SLAIN2: variants seen among roughly 807,000 people sequenced by gnomAD.
SLAIN2 encodes SLAIN motif-containing protein 2.
In SLAIN2, 31 loss-of-function variants were observed where a neutral mutation model predicts 56.6. The ratio of observed to expected loss-of-function variants is 0.55; its 90% confidence interval spans 0.41 to 0.74. The LOEUF is 0.74. Among genes scored for constraint, SLAIN2 ranks in the 30% least tolerant of loss-of-function variants. The pLI, the probability that SLAIN2 is intolerant of heterozygous loss-of-function variation, is 0.00. For missense variants in SLAIN2, 777 were observed against 754.2 expected (o/e 1.03, Z -0.35); for synonymous variants, 317 against 284.9 (o/e 1.11, Z -1.13).
chr4:48,363,550 G>A (rs1429055662), intron 1 of SLAIN2, among the ~76,000 whole-genome samples: 2 of 87,276 alleles, frequency 2.3e-5, no homozygotes, highest in South Asian at 5.4e-4. Context: ...CCCAGACGGG[G>A]CGGCTGGCCG....
At chr4:48,366,599 G>T (rs1380918351) in intron 1 of SLAIN2, among the ~76,000 whole-genome samples, 1 of 151,842 alleles carries the variant, frequency 6.6e-6, no homozygotes, top group East Asian at 1.9e-4. Context: ...ACTTTTTCAT[G>T]GTCTTATTTT....
rs1275749786 is a variant in SLAIN2, at chr4:48,341,807, A to C, written c.68A>C (p.Lys23Thr). ...CGGAAGCTGCAGGAGCTGGTGAAGA[A>C]GCTGGAGAAGCAGAACGAACAGCTG... ...EVRKLQELVK[K>T]LEKQNEQLRS... Residue 23 changes from lysine to threonine, a missense_variant, in exon 1 of 8, where the codon AAG becomes ACG. By Grantham distance (78) the Lys-to-Thr change is moderately conservative (BLOSUM62 -1). Coordinates refer to ENST00000264313, the MANE Select transcript of SLAIN2 (RefSeq NM_020846.2). 4 of 1,533,804 alleles carry C rather than the reference A, an allele frequency of 2.6e-6. No homozygotes were observed. The South Asian group carries it at 4.9e-5, about 19-fold the overall frequency.
At chr4:48,402,543 C>T (rs1037816684) in intron 6 of SLAIN2, among the ~76,000 whole-genome samples, 2 of 152,164 alleles carry the variant, frequency 1.3e-5, no homozygotes, top group Non-Finnish European at 2.9e-5. Context: ...CACTTGGTCT[C>T]TTCTGCTGTT....
rs752247549 is a variant in SLAIN2 at position 48,342,024 on chromosome 4, C to T, written c.285C>T (p.Thr95=). 1.7e-5 allele frequency: 24 copies of T among 1,411,668 alleles called. No individual in the cohort carries two copies. The East Asian group carries it at 5.5e-4, about 32-fold the overall frequency. 87.4% of individuals were successfully genotyped at this position (1,411,668 alleles called of 1,614,324 possible). ...GTAGCGAAGAGCTGCGGGACGCCAC[C>T]TCCTTGCTAGCGGCGGGCGAGGGCG... ...RTSSEELRDA[T]SLLAAGEGGL... Residue 95 remains threonine (T), a synonymous_variant, in exon 1 of 8, where the codon ACC becomes ACT. Coordinates refer to ENST00000264313, the MANE Select transcript of SLAIN2 (RefSeq NM_020846.2).
chr4:48,369,492 T>A (rs2109752443), intron 1 of SLAIN2, among the ~76,000 whole-genome samples: 1 of 152,290 alleles, frequency 6.6e-6, no homozygotes, highest in African/African-American at 2.4e-5. Context: ...AGCAAAGAAT[T>A]TAGCTCCTTC....
At position 48,420,238 on chromosome 4, in the gene SLAIN2, A is replaced by C; in HGVS notation, c.1474A>C (p.Thr492Pro). Residue 492 changes from threonine to proline, a missense_variant, in exon 7 of 8, where the codon ACA becomes CCA. Coordinates refer to ENST00000264313, the MANE Select transcript of SLAIN2 (RefSeq NM_020846.2). ...GSGSPGSQEI[T>P]QLTQTTSSPG... ...TGGTTCTCCTGGTAGCCAAGAAATA[A>C]CACAGCTCACACAAACCACCTCCTC... 4 of 1,613,930 alleles carry C rather than the reference A, an allele frequency of 2.5e-6. No individual in the cohort carries two copies. Among genetic ancestry groups the C allele is most frequent in the Non-Finnish European group, 3.4e-6 (4 of 1,179,880 alleles).
intron 6 of SLAIN2, among the ~76,000 whole-genome samples, chr4:48,403,013 C>T (rs1447213947): frequency 6.6e-6 from 1 of 152,174 alleles, no homozygotes; most frequent in Non-Finnish European, 1.5e-5. Flanking sequence ...CCCTAGTCAC[C>T]TCAGTCCCTC....
At chr4:48,403,609 G>T (rs975476162) in intron 6 of SLAIN2, among the ~76,000 whole-genome samples, 1 of 152,172 alleles carries the variant, frequency 6.6e-6, no homozygotes, top group Admixed American at 6.5e-5. Flanking sequence ...CCTCCCAGGA[G>T]TTCGGTCTGT....
chr4:48,413,438 T>G (rs1716917567), intron 6 of SLAIN2, among the ~76,000 whole-genome samples: 1 of 151,922 alleles, frequency 6.6e-6, no homozygotes, highest in African/African-American at 2.4e-5. Context: ...CAGTAATAAC[T>G]TTTTTTACAA....
At chr4:48,387,902 T>C (rs1454582747) in intron 6 of SLAIN2, among the ~76,000 whole-genome samples, 1 of 152,162 alleles carries the variant, frequency 6.6e-6, no homozygotes, top group East Asian at 1.9e-4. Context: ...ACTTTATACA[T>C]GAATTGGTAT....
chr4:48,361,839 C>G (rs1251645829), intron 1 of SLAIN2, among the ~76,000 whole-genome samples: 2 of 152,066 alleles, frequency 1.3e-5, no homozygotes, highest in Non-Finnish European at 2.9e-5. Context: ...CTTTTAATTT[C>G]TCTCAGCAGT....
chr4:48,412,395 CACACACACACACACACACACAT>C lies in SLAIN2; in HGVS notation c.1361-7729_1361-7708del, dbSNP rs1354604654. 1.8e-3 allele frequency among the ~76,000 whole-genome samples: 101 copies of C among 57,582 alleles called. 2 individuals are homozygous for C. Among genetic ancestry groups the C allele is most frequent in the South Asian group, 5.4e-3 (5 of 928 alleles). The allele number at this position is 57,582 out of a possible 152,430, so 37.8% of individuals were successfully genotyped here. On this transcript the variant is annotated intron_variant, in intron 6 of 7. Coordinates refer to ENST00000264313, the MANE Select transcript of SLAIN2 (RefSeq NM_020846.2). Reference sequence around the variant, plus strand: ...ACACACACACACACACACACACACACACACACACACACACACACACATTCCCTCTCTCTCTCTCTCTCTGTGT... The same window carrying C: ...ACACACACACACACACACACACACACTCCCTCTCTCTCTCTCTCTCTGTGT...
intron 6 of SLAIN2, among the ~76,000 whole-genome samples, chr4:48,391,932 A>C (rs903351223): frequency 6.6e-6 from 1 of 152,234 alleles, no homozygotes; most frequent in Non-Finnish European, 1.5e-5. Context: ...GTTTTGCACT[A>C]GCATCTTTGC....
Position 48,389,392 on chromosome 4 carries a change from A to G in SLAIN2, c.1360+5608A>G, listed in dbSNP as rs193257035. 1.6e-4 allele frequency among the ~76,000 whole-genome samples: 25 copies of G among 152,344 alleles called. No homozygotes were observed. In the East Asian group the frequency reaches 4.8e-3, roughly 29 times the overall value. Reference sequence around the variant, plus strand: ...CTTTGGTGGACCTTGAATGCTTAGTATAGAGTTCTGGATTTTATCCAGTGG... The same window carrying G: ...CTTTGGTGGACCTTGAATGCTTAGTGTAGAGTTCTGGATTTTATCCAGTGG... On this transcript the variant is annotated intron_variant, in intron 6 of 7. Transcript: ENST00000264313.
chr4:48,370,120 T>A, intron 2 of SLAIN2, 123 bp downstream of exon 2: 1 of 940,178 alleles, frequency 1.1e-6, no homozygotes, highest in Non-Finnish European at 1.6e-6. Flanking sequence ...TCATTGTTCA[T>A]ATCATCATGA....
At chr4:48,345,887 C>T (rs1464412857) in intron 1 of SLAIN2, among the ~76,000 whole-genome samples, 2 of 152,156 alleles carry the variant, frequency 1.3e-5, no homozygotes, top group Non-Finnish European at 2.9e-5. Context: ...GCTAGACTCA[C>T]TCTGGATTAA....
intron 6 of SLAIN2, among the ~76,000 whole-genome samples, chr4:48,385,944 T>G (rs1042522689): frequency 4.0e-5 from 6 of 148,948 alleles, no homozygotes; most frequent in Non-Finnish European, 7.5e-5. Context: ...AAAAAAATGT[T>G]TTTTTTTTTT....
At chr4:48,385,834 T>C (rs11725992) in intron 6 of SLAIN2, among the ~76,000 whole-genome samples, 8,657 of 152,044 alleles carry the variant, frequency 0.057, 389 homozygotes, top group East Asian at 0.22. Context: ...TTTAGCTGAC[T>C]TCATATACTT....
chr4:48,351,455 T>G (rs1715006994), intron 1 of SLAIN2, among the ~76,000 whole-genome samples: 1 of 152,228 alleles, frequency 6.6e-6, no homozygotes, highest in Non-Finnish European at 1.5e-5. Flanking sequence ...AATCTTGTGT[T>G]GACCTGTCAC....
Sources: gnomAD v4.1 joint callset for allele counts (sites outside exome capture counted in the v4.1 genomes callset) on GRCh38, gnomAD v4.1.1 for gene constraint, MANE v1.5 for transcripts, NCBI Gene and HGNC (gene_info 2026-07-23, HGNC 2026-07-21) for gene names.